Variants in ADAM23 observed in about 807,000 individuals in gnomAD.
ADAM23 encodes the protein ADAM metallopeptidase domain 23.
Under a neutral mutation model 120.1 loss-of-function variants are expected in ADAM23, and 33 were observed. The observed-to-expected ratio is 0.27, with a 90% CI of 0.21 to 0.37. ADAM23 has a LOEUF of 0.37. Among genes scored for constraint, ADAM23 ranks in the 10% least tolerant of loss-of-function variants. The pLI, the probability that ADAM23 is intolerant of heterozygous loss-of-function variation, is 1.00. For missense variants in ADAM23, 862 were observed against 1,058.2 expected, an observed-to-expected ratio of 0.81 and a Z score of 2.57; for synonymous variants, 367 against 375.2, an observed-to-expected ratio of 0.98 and a Z score of 0.25.
intron 3 of ADAM23, among the ~76,000 whole-genome samples, chr2:206,529,746 A>G (rs1401875375): frequency 6.6e-6 from 1 of 151,942 alleles, no homozygotes; most frequent in Non-Finnish European, 1.5e-5. Context: ...CACACAAGCA[A>G]TCTCTGGCCA....
intron 3 of ADAM23, among the ~76,000 whole-genome samples, chr2:206,485,612 T>G (rs1695995733): frequency 1.3e-5 from 2 of 152,238 alleles, no homozygotes; most frequent in Admixed American, 1.3e-4. Context: ...TGGAGGCATC[T>G]CATGGCAGTG....
At chr2:206,501,217 A>G (rs1432201638) in intron 3 of ADAM23, among the ~76,000 whole-genome samples, 2 of 152,090 alleles carry the variant, frequency 1.3e-5, no homozygotes, top group Admixed American at 6.6e-5. Context: ...ATGTCCTGCA[A>G]TCTAACTCCC....
intron 13 of ADAM23, among the ~76,000 whole-genome samples, chr2:206,564,106 C>G (rs912779712): frequency 6.6e-6 from 1 of 151,920 alleles, no homozygotes; most frequent in Non-Finnish European, 1.5e-5. Context: ...TTTAAAAAAT[C>G]CATTTGGAAG....
rs762554908 is a variant in ADAM23, at chr2:206,594,767, G to A, written c.2109G>A (p.Thr703=). ...SGAHVVLDDD[T]DVGYVEDGTP... is the part of the protein sequence containing the mutation. ...CCCATGTAGTTTTAGATGATGATAC[G>A]GATGTGGGCTATGTAGAAGATGGAA... Residue 703 remains threonine (T), a synonymous_variant, in exon 23 of 26, where the codon ACG becomes ACA. Coordinates refer to ENST00000264377, the MANE Select transcript of ADAM23 (RefSeq NM_003812.4). 3.1e-5 allele frequency: 50 copies of A among 1,614,130 alleles called. No homozygotes were observed. The highest frequency in any genetic ancestry group is 1.7e-4 in the Admixed American group (10 of 60,016).
chr2:206,559,112 T>C (rs1361152672), intron 10 of ADAM23, among the ~76,000 whole-genome samples: 1 of 152,082 alleles, frequency 6.6e-6, no homozygotes, highest in Non-Finnish European at 1.5e-5. Flanking sequence ...ACTTGGCTAA[T>C]TTTTTGTATT....
rs1485675068 is a variant in ADAM23 at position 206,617,584 on chromosome 2, T to C, written c.2456T>C (p.Val819Ala). Residue 819 changes from valine to alanine, a missense_variant, in exon 26 of 26, where the codon GTC becomes GCC. Transcript: ENST00000264377. ...LGGTGWGFKN[V>A]KKRRFDPTQQ... ...CTTTTGACTCACTCTGGAAGAAATGTCAAGAAGAGAAGGTTCGATCCTACT... is the reference window on the plus strand; with the variant it reads ...CTTTTGACTCACTCTGGAAGAAATGCCAAGAAGAGAAGGTTCGATCCTACT... 27 of 1,607,986 alleles carry C rather than the reference T, an allele frequency of 1.7e-5. No individual in the cohort carries two copies. The highest frequency in any genetic ancestry group is 2.3e-5 in the Non-Finnish European group (27 of 1,176,786).
chr2:206,563,577 C>T (rs1011236521), intron 13 of ADAM23, among the ~76,000 whole-genome samples: 1 of 152,110 alleles, frequency 6.6e-6, no homozygotes, highest in African/African-American at 2.4e-5. Flanking sequence ...AGGTGTATGA[C>T]CAGGTTTATG....
intron 2 of ADAM23, among the ~76,000 whole-genome samples, chr2:206,450,810 T>C (rs536265427): frequency 2.0e-5 from 3 of 152,336 alleles, no homozygotes; most frequent in African/African-American, 7.2e-5. Context: ...GATTTACACA[T>C]AGTAGGTGTT....
chr2:206,555,337 C>A (rs1054169165), intron 9 of ADAM23, among the ~76,000 whole-genome samples: 2 of 152,180 alleles, frequency 1.3e-5, no homozygotes, highest in Non-Finnish European at 2.9e-5. Context: ...TAGGAGTTAT[C>A]TTTTAATTCT....
chr2:206,616,208 T>G (rs1015581469), intron 25 of ADAM23, among the ~76,000 whole-genome samples: 1 of 152,146 alleles, frequency 6.6e-6, no homozygotes, highest in African/African-American at 2.4e-5. Context: ...GCAAACTAAC[T>G]TGGTGGAGGA....
intron 4 of ADAM23, among the ~76,000 whole-genome samples, chr2:206,539,303 G>C (rs1697243942): frequency 6.6e-6 from 1 of 152,132 alleles, no homozygotes; most frequent in Non-Finnish European, 1.5e-5. Context: ...CGAAAATGCT[G>C]ATGTCTGTAT....
chr2:206,499,906 T>C, intron 3 of ADAM23, among the ~76,000 whole-genome samples: 1 of 152,150 alleles, frequency 6.6e-6, no homozygotes, highest in African/African-American at 2.4e-5. Context: ...TAAAAGCAGT[T>C]TGAGACAAGG....
chr2:206,567,188 A>G, intron 14 of ADAM23, 35 bp from the exon 15 acceptor site: 1 of 1,499,770 alleles, frequency 6.7e-7, no homozygotes, highest in Non-Finnish European at 9.2e-7. Context: ...TGCTTTTGGT[A>G]AATTATTTAC....
At chr2:206,464,899 A>G (rs886908655) in intron 2 of ADAM23, among the ~76,000 whole-genome samples, 10 of 151,926 alleles carry the variant, frequency 6.6e-5, no homozygotes, top group African/African-American at 2.4e-4. Flanking sequence ...AGGTAGAGAA[A>G]CCCTGCAGTA....
In ADAM23 at chr2:206,494,158, A is replaced by G. The variant is rs190654587; in HGVS notation, c.509+12850A>G. Reference sequence around the variant, plus strand: ...GTAAGATCTCCTTTTGCAAATTTCAATTATACAATACAGTATAATTAATTA... The same window carrying G: ...GTAAGATCTCCTTTTGCAAATTTCAGTTATACAATACAGTATAATTAATTA... On this transcript the variant is annotated intron_variant, in intron 3 of 25. Transcript: ENST00000264377. 7.0e-4 allele frequency among the ~76,000 whole-genome samples: 106 copies of G among 152,292 alleles called. 1 individual carries two copies. The highest frequency in any genetic ancestry group is 1.9e-3 in the African/African-American group (78 of 41,540).
intron 21 of ADAM23, 21 bp downstream of exon 21, chr2:206,589,535 G>C (rs770029079): frequency 4.4e-6 from 7 of 1,592,240 alleles, no homozygotes; most frequent in Admixed American, 3.5e-5. Context: ...AGCTCTAAGG[G>C]CATAGTCACT....
chr2:206,571,556 A>C (rs1174617072), intron 16 of ADAM23, among the ~76,000 whole-genome samples, 171 bp from the exon 17 acceptor site: 1 of 152,234 alleles, frequency 6.6e-6, no homozygotes, highest in East Asian at 1.9e-4. Context: ...TTTGGTGACA[A>C]GTATGGCAGG....
chr2:206,482,346 T>C (rs1695914900), intron 3 of ADAM23, among the ~76,000 whole-genome samples: 1 of 152,216 alleles, frequency 6.6e-6, no homozygotes, highest in African/African-American at 2.4e-5. Context: ...GTCAGCAGTT[T>C]GTCTGCCTAA....
intron 3 of ADAM23, among the ~76,000 whole-genome samples, chr2:206,500,169 A>G (rs532179411): frequency 6.6e-6 from 1 of 152,260 alleles, no homozygotes; most frequent in African/African-American, 2.4e-5. Flanking sequence ...TGTGTTGATC[A>G]GATACTAATA....
Sources: gnomAD v4.1 joint callset for allele counts (sites outside exome capture counted in the v4.1 genomes callset) on GRCh38, gnomAD v4.1.1 for gene constraint, MANE v1.5 for transcripts, NCBI Gene and HGNC (gene_info 2026-07-23, HGNC 2026-07-21) for gene names.